Variants in EYS observed in about 807,000 individuals in gnomAD.
The protein encoded by EYS is protein eyes shut homolog.
A neutral mutation model predicts 282.1 loss-of-function variants in EYS; 250 were observed. That is an observed-to-expected ratio of 0.89 (90% CI 0.80 to 0.98). The LOEUF (loss-of-function observed/expected upper bound fraction) is 0.98. Ranked by LOEUF, EYS falls within the 50% of genes least tolerant of loss-of-function variation. The probability of loss-of-function intolerance (pLI) is 0.00; values close to 1 mark genes in which losing one functional copy is unlikely to be tolerated. For missense variants in EYS, 4,016 were observed against 3,709.0 expected, an observed-to-expected ratio of 1.08 and a Z score of -2.15; for synonymous variants, 1,355 against 1,282.9, an observed-to-expected ratio of 1.06 and a Z score of -1.20.
intron 11 of EYS, among the ~76,000 whole-genome samples, chr6:65,328,694 G>T (rs1037184279): frequency 6.6e-6 from 1 of 150,516 alleles, no homozygotes; most frequent in African/African-American, 2.4e-5. Flanking sequence ...AAGCCTACTA[G>T]GTAAAATTCT....
intron 11 of EYS, among the ~76,000 whole-genome samples, chr6:65,300,665 T>G (rs1488580426): frequency 6.6e-6 from 1 of 152,192 alleles, no homozygotes; most frequent in Non-Finnish European, 1.5e-5. Flanking sequence ...ATGTATTCAT[T>G]GTGAGTGGTT....
At chr6:64,426,698 A>G (rs1039790673) in intron 28 of EYS, among the ~76,000 whole-genome samples, 2 of 152,126 alleles carry the variant, frequency 1.3e-5, no homozygotes, top group Non-Finnish European at 2.9e-5. Flanking sequence ...GAATTGGATC[A>G]AGTCCTCCCA....
chr6:64,421,536 A>AT (rs962009088), intron 28 of EYS, among the ~76,000 whole-genome samples: 5 of 152,114 alleles, frequency 3.3e-5, no homozygotes, highest in South Asian at 2.1e-4. Flanking sequence ...TATCTAGGGA[A>AT]TTTTTTTTAA....
intron 5 of EYS, among the ~76,000 whole-genome samples, chr6:65,431,317 A>G (rs879919009): frequency 6.6e-6 from 1 of 152,114 alleles, no homozygotes; most frequent in African/African-American, 2.4e-5. Flanking sequence ...GGTACTTCTC[A>G]ATGCCCTTTG....
Position 65,231,085 on chromosome 6 carries a change from G to T in EYS, c.2023+64778C>A, listed in dbSNP as rs201026697. Among the ~76,000 whole-genome samples the T allele has an allele frequency of 1.7e-4, 16 of 91,522 alleles. No individual in the cohort carries two copies. In the South Asian group the frequency reaches 2.4e-3, roughly 14 times the overall value. 60.0% of individuals were successfully genotyped at this position (91,522 alleles called of 152,430 possible). On this transcript the variant is annotated intron_variant, in intron 12 of 42. Transcript: ENST00000503581. ...TATGTACTTTTATATATATATATGT[G>T]TATATATATATACTTTTATATATAT...
chr6:64,443,390 T>C (rs1334033607), intron 26 of EYS, among the ~76,000 whole-genome samples: 1 of 152,186 alleles, frequency 6.6e-6, no homozygotes, highest in East Asian at 1.9e-4. Flanking sequence ...CAGATGAGTC[T>C]TTGGACTGTG....
At chr6:65,509,078 C>T (rs6924402) in intron 2 of EYS, among the ~76,000 whole-genome samples, 114,387 of 152,064 alleles carry the variant, frequency 0.75, 43,936 homozygotes, top group African/African-American at 0.91. Flanking sequence ...AATGAGTAAA[C>T]TGGAGATGAA....
intron 1 of EYS, among the ~76,000 whole-genome samples, chr6:65,668,983 C>A (rs1230773728): frequency 6.6e-6 from 1 of 151,932 alleles, no homozygotes; most frequent in Admixed American, 6.6e-5. Flanking sequence ...CTATAGCACA[C>A]AGCCTGTTGA....
intron 12 of EYS, among the ~76,000 whole-genome samples, chr6:65,177,893 C>A (rs1399586287): frequency 6.6e-6 from 1 of 151,890 alleles, no homozygotes; most frequent in Non-Finnish European, 1.5e-5. Flanking sequence ...ATAGCACCAG[C>A]AACAATGCAT....
chr6:64,754,898 CT>C (rs892699698), intron 22 of EYS, among the ~76,000 whole-genome samples: 1 of 152,126 alleles, frequency 6.6e-6, no homozygotes, highest in Non-Finnish European at 1.5e-5. Flanking sequence ...AGGATTCCCA[CT>C]TTCATCAGTA....
intron 12 of EYS, among the ~76,000 whole-genome samples, chr6:65,201,882 G>T (rs968155587): frequency 6.6e-6 from 1 of 152,034 alleles, no homozygotes; most frequent in Non-Finnish European, 1.5e-5. Flanking sequence ...AGAAGCCGAG[G>T]CAGGTACATC....
chr6:63,967,242 C>T (rs1267110816), intron 35 of EYS, among the ~76,000 whole-genome samples: 1 of 152,148 alleles, frequency 6.6e-6, no homozygotes, highest in Non-Finnish European at 1.5e-5. Flanking sequence ...GCAGAGACTT[C>T]ATCATGTTAT....
intron 5 of EYS, among the ~76,000 whole-genome samples, chr6:65,432,593 C>T (rs949609838): frequency 6.6e-5 from 10 of 151,946 alleles, no homozygotes; most frequent in African/African-American, 2.2e-4. Flanking sequence ...GGAGTACAGA[C>T]GTGGGAGAGT....
intron 35 of EYS, among the ~76,000 whole-genome samples, chr6:63,874,027 T>C (rs1772892209): frequency 1.3e-5 from 2 of 152,354 alleles, no homozygotes; most frequent in Middle Eastern, 3.4e-3. Flanking sequence ...TTTTGGCTTA[T>C]GTTGCCATTG....
intron 35 of EYS, among the ~76,000 whole-genome samples, chr6:63,871,851 T>C (rs1475551285): frequency 6.6e-6 from 1 of 152,114 alleles, no homozygotes; most frequent in African/African-American, 2.4e-5. Context: ...AGCTCTGCCG[T>C]TCTTTCCTGT....
chr6:64,716,752 T>C (rs574865756), intron 22 of EYS, among the ~76,000 whole-genome samples: 1 of 152,294 alleles, frequency 6.6e-6, no homozygotes, highest in African/African-American at 2.4e-5. Flanking sequence ...ATTGCTTCTG[T>C]TCTTTACGTT....
At chr6:65,183,205 CATTT>C (rs1463279217) in intron 12 of EYS, among the ~76,000 whole-genome samples, 1 of 151,864 alleles carries the variant, frequency 6.6e-6, no homozygotes, top group African/African-American at 2.4e-5. Flanking sequence ...ATTACCTGAA[CATTT>C]ATTAAATGAT....
intron 26 of EYS, among the ~76,000 whole-genome samples, chr6:64,454,538 A>AT (rs907876532): frequency 8.4e-4 from 127 of 151,148 alleles, no homozygotes; most frequent in African/African-American, 2.1e-3. Context: ...CTTAAATGCT[A>AT]TTTTTTTTTC....
chr6:65,280,300 C>A (rs771621268), intron 12 of EYS, among the ~76,000 whole-genome samples: 5 of 152,146 alleles, frequency 3.3e-5, no homozygotes, highest in Non-Finnish European at 5.9e-5. Flanking sequence ...CAGCACTGTA[C>A]AACTACTGAG....
Sources: gnomAD v4.1 joint callset for allele counts (sites outside exome capture counted in the v4.1 genomes callset) on GRCh38, gnomAD v4.1.1 for gene constraint, MANE v1.5 for transcripts, NCBI Gene and HGNC (gene_info 2026-07-23, HGNC 2026-07-21) for gene names.